Variants in RABGAP1L observed in about 807,000 individuals in gnomAD.
RABGAP1L encodes the protein RAB GTPase activating protein 1 like.
Under a neutral mutation model 137.7 loss-of-function variants are expected in RABGAP1L, and 63 were observed. That is an observed-to-expected ratio of 0.46 (90% confidence interval 0.37 to 0.56). RABGAP1L has a LOEUF of 0.56. Among genes scored for constraint, RABGAP1L ranks in the 20% least tolerant of loss-of-function variants. The probability of loss-of-function intolerance (pLI) is 0.00; values close to 1 mark genes in which losing one functional copy is unlikely to be tolerated. For missense variants in RABGAP1L, 1,095 were observed against 1,244.0 expected, an observed-to-expected ratio of 0.88 and a Z score of 1.80; for synonymous variants, 431 against 433.7, an observed-to-expected ratio of 0.99 and a Z score of 0.08.
intron 13 of RABGAP1L, among the ~76,000 whole-genome samples, chr1:174,599,940 C>G (rs1377621481): frequency 6.6e-6 from 1 of 152,104 alleles, no homozygotes; most frequent in Non-Finnish European, 1.5e-5. Flanking sequence ...CTCTCACTAC[C>G]TCCTCTTTAA....
intron 13 of RABGAP1L, among the ~76,000 whole-genome samples, chr1:174,460,802 C>T (rs1461410876): frequency 6.6e-6 from 1 of 151,778 alleles, no homozygotes; most frequent in African/African-American, 2.4e-5. Context: ...TAGTTCTTTG[C>T]AATTTTTTTT....
chr1:174,268,291 C>T (rs1291447218), intron 7 of RABGAP1L, among the ~76,000 whole-genome samples: 13 of 151,702 alleles, frequency 8.6e-5, no homozygotes, highest in Non-Finnish European at 1.5e-5. Flanking sequence ...GCTCTGCCTC[C>T]CGGGTTCACG....
At chr1:174,814,624 C>G (rs1454090152) in intron 19 of RABGAP1L, among the ~76,000 whole-genome samples, 1 of 151,970 alleles carries the variant, frequency 6.6e-6, no homozygotes, top group Non-Finnish European at 1.5e-5. Context: ...TACGTACTTA[C>G]ATACACATAA....
At chr1:174,212,437 A>G (rs1316430016) in intron 1 of RABGAP1L, among the ~76,000 whole-genome samples, 1 of 152,092 alleles carries the variant, frequency 6.6e-6, no homozygotes, top group African/African-American at 2.4e-5. Flanking sequence ...ATGCTCCTGA[A>G]TGACCAGTGC....
intron 19 of RABGAP1L, among the ~76,000 whole-genome samples, chr1:174,878,124 C>T (rs1171313236): frequency 1.3e-5 from 2 of 152,176 alleles, no homozygotes; most frequent in Non-Finnish European, 2.9e-5. Flanking sequence ...CATGTCCTGG[C>T]ATAATCAAAA....
chr1:174,344,775 A>G (rs536229827), intron 11 of RABGAP1L, among the ~76,000 whole-genome samples: 7 of 152,218 alleles, frequency 4.6e-5, no homozygotes, highest in Non-Finnish European at 8.8e-5. Context: ...TCCACTTACC[A>G]GAAGCTTTTT....
chr1:174,583,314 A>G (rs763247831), intron 13 of RABGAP1L, among the ~76,000 whole-genome samples: 34 of 152,116 alleles, frequency 2.2e-4, no homozygotes, highest in Non-Finnish European at 3.8e-4. Flanking sequence ...TTCCATTTCA[A>G]GGGAGTCAAA....
intron 11 of RABGAP1L, among the ~76,000 whole-genome samples, chr1:174,317,924 A>G (rs540265145): frequency 6.6e-6 from 1 of 152,086 alleles, no homozygotes; most frequent in Non-Finnish European, 1.5e-5. Flanking sequence ...CTAACAGGAC[A>G]GCACTAAGTT....
chr1:174,501,863 C>G (rs1209125771), intron 13 of RABGAP1L, among the ~76,000 whole-genome samples: 1 of 150,496 alleles, frequency 6.6e-6, no homozygotes, highest in Non-Finnish European at 1.5e-5. Flanking sequence ...TATATGCTCT[C>G]TTTCTAGGGG....
chr1:174,266,016 G>A (rs1674039204), intron 7 of RABGAP1L, among the ~76,000 whole-genome samples: 1 of 152,068 alleles, frequency 6.6e-6, no homozygotes, highest in Non-Finnish European at 1.5e-5. Context: ...TGAATGAAAA[G>A]AGTAACCAAT....
chr1:174,488,094 G>T (rs74225909), intron 13 of RABGAP1L, among the ~76,000 whole-genome samples: 12,040 of 151,942 alleles, frequency 0.079, 661 homozygotes, highest in East Asian at 0.32. Context: ...ATTCTGTGGG[G>T]TTTTTTTCTG....
chr1:174,206,593 A>G (rs1473094804), intron 1 of RABGAP1L, among the ~76,000 whole-genome samples: 1 of 152,016 alleles, frequency 6.6e-6, no homozygotes, highest in African/African-American at 2.4e-5. Context: ...TCACCCTTAT[A>G]TTTTTAGGTT....
At chr1:174,403,304 G>C (rs1001900374) in intron 13 of RABGAP1L, among the ~76,000 whole-genome samples, 18 of 147,122 alleles carry the variant, frequency 1.2e-4, no homozygotes, top group Non-Finnish European at 2.5e-4. Context: ...TAAGAGACAG[G>C]GTCTCACCAT....
At chr1:174,198,860 G>T (rs1667896585) in intron 1 of RABGAP1L, among the ~76,000 whole-genome samples, 2 of 152,212 alleles carry the variant, frequency 1.3e-5, no homozygotes, top group South Asian at 4.1e-4. Flanking sequence ...TATAATCCCA[G>T]TACTTTAGGA....
chr1:174,351,616 G>T (rs1264064815), intron 11 of RABGAP1L, among the ~76,000 whole-genome samples: 1 of 152,050 alleles, frequency 6.6e-6, no homozygotes, highest in South Asian at 2.1e-4. Flanking sequence ...TGACCTTTGG[G>T]TGTTAGATTG....
chr1:174,349,104 G>C, intron 11 of RABGAP1L, among the ~76,000 whole-genome samples: 1 of 122,656 alleles, frequency 8.2e-6, no homozygotes. Context: ...CGGGCGGGGG[G>C]CTGACACCCC....
At chr1:174,222,279 G>A (rs766745737) in intron 3 of RABGAP1L, among the ~76,000 whole-genome samples, 14 of 152,162 alleles carry the variant, frequency 9.2e-5, no homozygotes, top group Non-Finnish European at 1.9e-4. Flanking sequence ...TCTGACAGAG[G>A]GGATGGGATT....
intron 13 of RABGAP1L, among the ~76,000 whole-genome samples, chr1:174,482,938 A>G (rs1271233663): frequency 2.0e-5 from 3 of 152,212 alleles, no homozygotes; most frequent in African/African-American, 7.2e-5. Flanking sequence ...AAATAAAGAG[A>G]AAATGTCTTT....
intron 11 of RABGAP1L, among the ~76,000 whole-genome samples, chr1:174,363,588 T>C (rs1195289257): frequency 6.6e-6 from 1 of 152,194 alleles, no homozygotes; most frequent in Non-Finnish European, 1.5e-5. Flanking sequence ...ACTTTGTTGG[T>C]TAACAGTGGT....
Sources: allele counts gnomAD v4.1 joint callset (sites outside exome capture counted in the v4.1 genomes callset), GRCh38; gene constraint gnomAD v4.1.1; transcripts MANE v1.5; gene names NCBI Gene and HGNC (gene_info 2026-07-23, HGNC 2026-07-21).